Variants in ZNF148 observed in about 807,000 individuals in gnomAD.
The protein encoded by ZNF148 is zinc finger protein 148, also known as Beta-Enolase Repressor Factor-1.
In ZNF148, 7 loss-of-function variants were observed where a neutral mutation model predicts 67.7. The ratio of observed to expected loss-of-function variants is 0.10; its 90% confidence interval spans 0.06 to 0.19. The LOEUF (loss-of-function observed/expected upper bound fraction) is 0.19, where lower values mean the gene tolerates loss of function less well. Ranked by LOEUF, ZNF148 falls within the 10% of genes least tolerant of loss-of-function variation. The pLI is 1.00. For synonymous variants in ZNF148, 333 were observed against 330.7 expected (o/e 1.01, Z -0.08); for missense variants, 583 against 947.1 (o/e 0.62, Z 5.05).
At chr3:125,340,641 T>A (rs1034850283) in intron 1 of ZNF148, among the ~76,000 whole-genome samples, 4 of 152,062 alleles carry the variant, frequency 2.6e-5, no homozygotes, top group Non-Finnish European at 5.9e-5. Flanking sequence ...CACAGCCCAC[T>A]CCTAAAATAA....
At chr3:125,363,303 C>A (rs780373898) in intron 1 of ZNF148, among the ~76,000 whole-genome samples, 8 of 152,170 alleles carry the variant, frequency 5.3e-5, no homozygotes, top group Non-Finnish European at 1.0e-4. Flanking sequence ...CTAACTAAAT[C>A]CAAAATTAGT....
intron 5 of ZNF148, among the ~76,000 whole-genome samples, chr3:125,287,456 T>C (rs542672567): frequency 6.6e-6 from 1 of 152,030 alleles, no homozygotes; most frequent in East Asian, 1.9e-4. Context: ...CTGGCCAACA[T>C]AGCAAGACCC....
rs1214103305 is a variant in ZNF148, at chr3:125,226,784, T to C, written c.*5557A>G. ...ACAATTCTATTTGGAGAGCAAAATA[T>C]TTTAAAATATATCGACTTACCAAAT... On this transcript the variant is annotated 3_prime_UTR_variant, in exon 9 of 9. Transcript: ENST00000360647. 6.6e-6 allele frequency: 1 copy of C among 152,506 alleles called. No individual in the cohort carries two copies. Among genetic ancestry groups the C allele is most frequent in the Non-Finnish European group, 1.5e-5 (1 of 68,018 alleles). The allele number at this position is 152,506 out of a possible 1,614,324, so 9.4% of individuals were successfully genotyped here.
At chr3:125,298,725 T>C (rs1209277407) in intron 4 of ZNF148, among the ~76,000 whole-genome samples, 1 of 148,914 alleles carries the variant, frequency 6.7e-6, no homozygotes, top group Non-Finnish European at 1.5e-5. Flanking sequence ...CCCAGGTTCA[T>C]GCCATTCTCC....
At chr3:125,278,486 C>T (rs943149160) in intron 6 of ZNF148, among the ~76,000 whole-genome samples, 1 of 152,126 alleles carries the variant, frequency 6.6e-6, no homozygotes, top group African/African-American at 2.4e-5. Context: ...ACTCTGCTTT[C>T]TGAAAAGCTA....
intron 3 of ZNF148, among the ~76,000 whole-genome samples, chr3:125,319,007 C>A (rs894447213): frequency 1.3e-5 from 2 of 152,086 alleles, no homozygotes; most frequent in Non-Finnish European, 2.9e-5. Context: ...CACTCCCAAC[C>A]CCCCCACACA....
intron 3 of ZNF148, among the ~76,000 whole-genome samples, chr3:125,318,262 A>C (rs1940613755): frequency 6.6e-6 from 1 of 152,104 alleles, no homozygotes; most frequent in Non-Finnish European, 1.5e-5. Flanking sequence ...CTCTAATTTC[A>C]TTATTTTTAG....
At chr3:125,367,073 A>C (rs1942725323) in intron 1 of ZNF148, among the ~76,000 whole-genome samples, 2 of 152,234 alleles carry the variant, frequency 1.3e-5, no homozygotes, top group African/African-American at 2.4e-5. Flanking sequence ...TATTCCTGAC[A>C]GCAAAGCATT....
chr3:125,274,733 T>C (rs1048528187), intron 7 of ZNF148, among the ~76,000 whole-genome samples: 2 of 152,142 alleles, frequency 1.3e-5, no homozygotes, highest in African/African-American at 2.4e-5. Context: ...GACAGTATAA[T>C]GAGACCTAAA....
chr3:125,347,358 C>T (rs1010715418), intron 1 of ZNF148, among the ~76,000 whole-genome samples: 3 of 152,048 alleles, frequency 2.0e-5, no homozygotes, highest in African/African-American at 7.2e-5. Flanking sequence ...TATGGAATTG[C>T]AAAGGACCAA....
At chr3:125,367,089 C>T (rs1452991805) in intron 1 of ZNF148, among the ~76,000 whole-genome samples, 1 of 152,144 alleles carries the variant, frequency 6.6e-6, no homozygotes, top group Non-Finnish European at 1.5e-5. Context: ...GCATTATATG[C>T]TTTTGCATAT....
At chr3:125,362,641 G>A (rs1458445830) in intron 1 of ZNF148, among the ~76,000 whole-genome samples, 2 of 150,662 alleles carry the variant, frequency 1.3e-5, no homozygotes, top group African/African-American at 4.9e-5. Flanking sequence ...TGCAACCTCC[G>A]CCTCCCAAGC....
Position 125,232,144 on chromosome 3 carries a change from C to A in ZNF148, c.*197G>T. On this transcript the variant is annotated 3_prime_UTR_variant, in exon 9 of 9. Coordinates refer to ENST00000360647, the MANE Select transcript of ZNF148 (RefSeq NM_021964.3). This position sits in a 1 kb window ranked among gnomAD's most constrained non-coding sequence, Gnocchi z 4.2. ...TAATGCATTGCTTCTATAAAGGTGA[C>A]AACATGTAAGGCAGTTCAAAGAATG... 2 of 559,522 alleles carry A rather than the reference C, an allele frequency of 3.6e-6. No individual in the cohort carries two copies. Among genetic ancestry groups the A allele is most frequent in the East Asian group, 6.0e-5 (2 of 33,264 alleles). The allele number at this position is 559,522 out of a possible 1,614,324, so 34.7% of individuals were successfully genotyped here. A position where few individuals can be genotyped will look rare whatever the true frequency, so the allele number is the denominator to read the frequency against.
intron 2 of ZNF148, among the ~76,000 whole-genome samples, chr3:125,328,998 G>GATATATATATATATATATATAT (rs10565589): frequency 6.8e-6 from 1 of 147,426 alleles, no homozygotes; most frequent in Non-Finnish European, 1.5e-5. Context: ...TTATACTACT[G>GATATATATATATATATATATAT]ATATATATAT....
intron 3 of ZNF148, among the ~76,000 whole-genome samples, chr3:125,320,956 G>A (rs1940743685): frequency 6.6e-6 from 1 of 152,128 alleles, no homozygotes; most frequent in Non-Finnish European, 1.5e-5. Context: ...ATCATTTGGT[G>A]AGATGAAACC....
At chr3:125,357,977 AC>A (rs1284137071) in intron 1 of ZNF148, among the ~76,000 whole-genome samples, 1 of 152,134 alleles carries the variant, frequency 6.6e-6, no homozygotes, top group African/African-American at 2.4e-5. Context: ...TCTTCTCTAA[AC>A]CATCTTTCCA....
chr3:125,226,924 T>A lies in ZNF148; in HGVS notation c.*5417A>T, dbSNP rs1275880117. On this transcript the variant is annotated 3_prime_UTR_variant, in exon 9 of 9. Transcript: ENST00000360647. ...GTGATAAGTTTCATTGCAAAGCAAC[T>A]GTCACCTGAGTAGATTTTAAAATTT... 2 of 152,196 alleles carry A rather than the reference T, an allele frequency of 1.3e-5. No homozygotes were observed. Among genetic ancestry groups the A allele is most frequent in the African/African-American group, 2.4e-5 (1 of 41,456 alleles). The allele number at this position is 152,196 out of a possible 1,614,324, so 9.4% of individuals were successfully genotyped here. A position where few individuals can be genotyped will look rare whatever the true frequency, so the allele number is the denominator to read the frequency against.
intron 7 of ZNF148, among the ~76,000 whole-genome samples, chr3:125,271,271 C>T (rs1014168375): frequency 2.6e-5 from 4 of 152,212 alleles, no homozygotes; most frequent in African/African-American, 4.8e-5. Flanking sequence ...CTCACCCCCA[C>T]TCTCCCCGTC....
chr3:125,288,374 G>A, intron 4 of ZNF148, 146 bp from the exon 5 acceptor site: 2 of 766,436 alleles, frequency 2.6e-6, no homozygotes, highest in South Asian at 4.5e-5. Context: ...ACTATATACA[G>A]TGCTATAGAA....
Sources: gnomAD v4.1 joint callset for allele counts (sites outside exome capture counted in the v4.1 genomes callset) on GRCh38, gnomAD v4.1.1 for gene constraint, Gnocchi (gnomAD v3.1) non-coding constraint, MANE v1.5 for transcripts, NCBI Gene and HGNC (gene_info 2026-07-23, HGNC 2026-07-21) for gene names.